ASTN2: variants seen among roughly 807,000 people sequenced by gnomAD.
The protein encoded by ASTN2 is astrotactin 2.
A neutral mutation model predicts 139.8 loss-of-function variants in ASTN2; 54 were observed. That is an observed-to-expected ratio of 0.39 (90% confidence interval 0.31 to 0.48). ASTN2 has a LOEUF of 0.48. ASTN2 is among the 20% of genes least tolerant of loss of function. ASTN2 has a pLI of 0.95. For synonymous variants in ASTN2, 756 were observed against 719.5 expected (o/e 1.05, Z -0.81); for missense variants, 1,565 against 1,725.1 (o/e 0.91, Z 1.64).
At chr9:116,976,014 A>C (rs1362941719) in intron 9 of ASTN2, 100 bp downstream of exon 9, 5 of 1,135,154 alleles carry the variant, frequency 4.4e-6, no homozygotes, top group African/African-American at 1.5e-5. Context: ...TGCAGCTCAG[A>C]AGTGCACAGG....
At chr9:116,968,926 T>C (rs1450661904) in intron 10 of ASTN2, among the ~76,000 whole-genome samples, 2 of 150,808 alleles carry the variant, frequency 1.3e-5, no homozygotes, top group Admixed American at 6.6e-5. Flanking sequence ...AGTTCCTCCT[T>C]AGGCATGCCA....
At chr9:117,167,385 G>A (rs1041499741) in intron 3 of ASTN2, among the ~76,000 whole-genome samples, 6 of 151,926 alleles carry the variant, frequency 3.9e-5, no homozygotes, top group African/African-American at 1.4e-4. Flanking sequence ...ACTTTTTAGT[G>A]GTCAGGAGAT....
At chr9:116,785,675 C>T (rs955731596) in intron 13 of ASTN2, among the ~76,000 whole-genome samples, 1 of 152,132 alleles carries the variant, frequency 6.6e-6, no homozygotes, top group South Asian at 2.1e-4. Flanking sequence ...ACTAACCTTG[C>T]CTCCCTCCTT....
intron 19 of ASTN2, among the ~76,000 whole-genome samples, chr9:116,593,902 C>T (rs1017670786): frequency 2.7e-4 from 41 of 152,106 alleles, no homozygotes; most frequent in Non-Finnish European, 4.4e-4. Context: ...TCACAAAGGC[C>T]GCACATCCTT....
intron 3 of ASTN2, among the ~76,000 whole-genome samples, chr9:117,161,813 C>T (rs1158152192): frequency 2.0e-5 from 3 of 151,922 alleles, no homozygotes; most frequent in Non-Finnish European, 4.4e-5. Context: ...GAGAAAAGGG[C>T]ACAGGTAACA....
At chr9:116,744,171 TGG>T (rs1829173216) in intron 13 of ASTN2, among the ~76,000 whole-genome samples, 3 of 152,122 alleles carry the variant, frequency 2.0e-5, no homozygotes, top group African/African-American at 7.2e-5. Context: ...TGTATGTGTG[TGG>T]GCGCATGTGT....
chr9:117,020,026 G>A (rs1467841607), intron 6 of ASTN2, among the ~76,000 whole-genome samples: 2 of 151,416 alleles, frequency 1.3e-5, no homozygotes, highest in East Asian at 1.9e-4. Flanking sequence ...GTGTGTGTGT[G>A]TGTGTGTGTG....
chr9:117,304,082 C>A (rs182364637), intron 1 of ASTN2, among the ~76,000 whole-genome samples: 1 of 152,164 alleles, frequency 6.6e-6, no homozygotes. Context: ...GCAAACCTGC[C>A]GGCTGACCAC....
intron 16 of ASTN2, among the ~76,000 whole-genome samples, chr9:116,701,919 T>G (rs1466538028): frequency 6.7e-6 from 1 of 148,582 alleles, no homozygotes; most frequent in Non-Finnish European, 1.5e-5. Flanking sequence ...AAAGCAGCAG[T>G]ACCCTTGTCC....
At chr9:116,676,549 T>C (rs540103937) in intron 16 of ASTN2, among the ~76,000 whole-genome samples, 27 of 152,340 alleles carry the variant, frequency 1.8e-4, no homozygotes, top group South Asian at 4.1e-4. Context: ...AGCTCAACCT[T>C]GTGACCATAT....
intron 1 of ASTN2, among the ~76,000 whole-genome samples, chr9:117,309,353 C>T (rs913344766): frequency 6.6e-6 from 1 of 152,210 alleles, no homozygotes. Context: ...AAGAGAGAAT[C>T]TAGACTTAGC....
At chr9:117,272,032 C>T (rs1564118772) in intron 2 of ASTN2, among the ~76,000 whole-genome samples, 2 of 152,162 alleles carry the variant, frequency 1.3e-5, no homozygotes, top group African/African-American at 4.8e-5. Context: ...GGCTCCAACC[C>T]CACGTTTCTC....
chr9:117,340,054 C>T (rs1283667186), intron 1 of ASTN2, among the ~76,000 whole-genome samples: 1 of 151,916 alleles, frequency 6.6e-6, no homozygotes, highest in East Asian at 1.9e-4. Context: ...CTCTCAGAGA[C>T]ATCAGACCCT....
intron 1 of ASTN2, among the ~76,000 whole-genome samples, chr9:117,407,743 C>T (rs1311402915): frequency 2.6e-5 from 4 of 152,146 alleles, no homozygotes; most frequent in African/African-American, 9.7e-5. Flanking sequence ...GAAAATAGAA[C>T]AACTCTCATT....
chr9:116,985,356 G>A (rs1424917779), intron 7 of ASTN2, among the ~76,000 whole-genome samples: 1 of 152,200 alleles, frequency 6.6e-6, no homozygotes, highest in Non-Finnish European at 1.5e-5. Flanking sequence ...GCACAGGCTG[G>A]TGATCAGGTC....
intron 1 of ASTN2, among the ~76,000 whole-genome samples, chr9:117,340,143 G>A (rs1829019052): frequency 6.6e-6 from 1 of 151,584 alleles, no homozygotes; most frequent in South Asian, 2.1e-4. Flanking sequence ...TAGCCAACCT[G>A]GTGAAACACT....
intron 1 of ASTN2, among the ~76,000 whole-genome samples, chr9:117,408,534 A>G (rs1564189399): frequency 6.6e-6 from 1 of 152,206 alleles, no homozygotes; most frequent in Non-Finnish European, 1.5e-5. Context: ...GGCTTAGTGT[A>G]TAACAAAGCA....
At chr9:117,002,927 A>T (rs1837233087) in intron 7 of ASTN2, among the ~76,000 whole-genome samples, 1 of 152,154 alleles carries the variant, frequency 6.6e-6, no homozygotes, top group African/African-American at 2.4e-5. Context: ...AGGGCTAGAG[A>T]GAGGGGTTCA....
intron 3 of ASTN2, among the ~76,000 whole-genome samples, chr9:117,143,582 A>G (rs1830124234): frequency 6.6e-6 from 1 of 152,212 alleles, no homozygotes; most frequent in African/African-American, 2.4e-5. Context: ...ATTACATACC[A>G]ATGCTGAGAA....
Sources: allele counts gnomAD v4.1 joint callset (sites outside exome capture counted in the v4.1 genomes callset), GRCh38; gene constraint gnomAD v4.1.1; transcripts MANE v1.5; gene names NCBI Gene and HGNC (gene_info 2026-07-23, HGNC 2026-07-21).